The following NETO1 variants were observed in gnomAD, a reference collection of about 807,000 sequenced individuals.
The protein encoded by NETO1 is neuropilin and tolloid like 1.
Under a neutral mutation model 61.3 loss-of-function variants are expected in NETO1, and 26 were observed. The ratio of observed to expected loss-of-function variants is 0.42; its 90% confidence interval spans 0.31 to 0.59. The LOEUF is 0.59. Ranked by LOEUF, NETO1 falls within the 20% of genes least tolerant of loss-of-function variation. The probability of loss-of-function intolerance (pLI) is 0.12; values close to 1 mark genes in which losing one functional copy is unlikely to be tolerated. For synonymous variants in NETO1, 225 were observed against 225.8 expected (o/e 1.00, Z 0.03); for missense variants, 531 against 662.8 (o/e 0.80, Z 2.18).
chr18:72,835,300 T>A, intron 4 of NETO1: 1 of 1,596,794 alleles, frequency 6.3e-7, no homozygotes, highest in Non-Finnish European at 8.6e-7. Flanking sequence ...TAGATCCTGC[T>A]AAGGAGTTTG....
intron 7 of NETO1, among the ~76,000 whole-genome samples, chr18:72,777,336 T>C (rs1342855790): frequency 6.6e-6 from 1 of 150,610 alleles, no homozygotes; most frequent in African/African-American, 2.5e-5. Flanking sequence ...GAGAATAGCT[T>C]GAACCCGGGA....
intron 4 of NETO1, among the ~76,000 whole-genome samples, chr18:72,795,191 G>A (rs188454011): frequency 3.0e-4 from 46 of 152,238 alleles, no homozygotes; most frequent in African/African-American, 1.0e-3. Flanking sequence ...CTTGTTCCTG[G>A]AATTGATTTT....
rs1447080508 is a variant in NETO1 at position 72,747,063 on chromosome 18, T to A, written c.*1116A>T. The A allele has an allele frequency of 6.6e-6, 1 of 151,952 alleles. No homozygotes were observed. The highest frequency in any genetic ancestry group is 2.4e-5 in the African/African-American group (1 of 41,434). The allele number at this position is 151,952 out of a possible 1,614,324, so 9.4% of individuals were successfully genotyped here. The stretch of plus-strand genomic sequence containing the variant: ...TTCCCTATTCTAAAAGAAGAAAATA[T>A]TCCCCTAAACTTTTAGAAGCCAAAT... On this transcript the variant is annotated 3_prime_UTR_variant, in exon 11 of 11. Coordinates refer to ENST00000327305, the MANE Select transcript of NETO1 (RefSeq NM_138966.5).
intron 4 of NETO1, among the ~76,000 whole-genome samples, chr18:72,816,596 C>A (rs999189240): frequency 6.6e-6 from 1 of 152,126 alleles, no homozygotes; most frequent in Non-Finnish European, 1.5e-5. Flanking sequence ...CAATGGAGAA[C>A]CTCTCCAGGC....
chr18:72,853,171 T>C (rs938580585), intron 4 of NETO1: 11 of 152,206 alleles, frequency 7.2e-5, no homozygotes, highest in African/African-American at 2.7e-4. Context: ...TGATTCTCTG[T>C]GATTTTCAAG....
intron 4 of NETO1, among the ~76,000 whole-genome samples, chr18:72,805,476 T>A (rs892589498): frequency 6.6e-6 from 1 of 152,228 alleles, no homozygotes; most frequent in African/African-American, 2.4e-5. Flanking sequence ...ATAATTAATA[T>A]GTACCAGATA....
chr18:72,811,852 G>T (rs1440465643), intron 4 of NETO1, among the ~76,000 whole-genome samples: 1 of 152,146 alleles, frequency 6.6e-6, no homozygotes, highest in East Asian at 1.9e-4. Context: ...TGGATTTGGG[G>T]TTCTGAAACC....
intron 8 of NETO1, among the ~76,000 whole-genome samples, chr18:72,755,693 G>T (rs1336450715): frequency 2.6e-5 from 4 of 152,064 alleles, no homozygotes; most frequent in African/African-American, 7.2e-5. Flanking sequence ...TGGAATGAAT[G>T]AGACGTGTAG....
chr18:72,788,053 G>C (rs555436477), intron 6 of NETO1, among the ~76,000 whole-genome samples: 1 of 152,192 alleles, frequency 6.6e-6, no homozygotes, highest in East Asian at 1.9e-4. Context: ...TAAGAATATT[G>C]CTATAGTTAG....
At chr18:72,826,528 C>CT (rs141431040) in intron 4 of NETO1, among the ~76,000 whole-genome samples, 48,369 of 151,404 alleles carry the variant, frequency 0.32, 8,111 homozygotes, top group Middle Eastern at 0.38. Context: ...TCTTATACCA[C>CT]TTTTTTTTCA....
intron 4 of NETO1, among the ~76,000 whole-genome samples, chr18:72,818,764 TTA>T (rs992546692): frequency 1.2e-4 from 18 of 152,278 alleles, no homozygotes; most frequent in African/African-American, 4.1e-4. Context: ...CATTATAACT[TTA>T]TATAAACATT....
Position 72,747,569 on chromosome 18 carries a change from T to C in NETO1, c.*610A>G, listed in dbSNP as rs1366165135. On this transcript the variant is annotated 3_prime_UTR_variant, in exon 11 of 11. Transcript: ENST00000327305. ...GGGGTATACAGGAAAGACCAAAAAA[T>C]GAATTTTTTTATTGCAATCTAGTAA... The C allele has an allele frequency of 6.6e-6, 1 of 152,004 alleles. No individual in the cohort carries two copies. The highest frequency in any genetic ancestry group is 6.6e-5 in the Admixed American group (1 of 15,244). The allele number at this position is 152,004 out of a possible 1,614,324, so 9.4% of individuals were successfully genotyped here. A position where few individuals can be genotyped will look rare whatever the true frequency, so the allele number is the denominator to read the frequency against.
Position 72,744,025 on chromosome 18 carries a change from T to C in NETO1, c.*4154A>G, listed in dbSNP as rs1474440073. 6.6e-6 allele frequency: 1 copy of C among 152,186 alleles called. No individual in the cohort carries two copies. The allele number at this position is 152,186 out of a possible 1,614,324, so 9.4% of individuals were successfully genotyped here. On this transcript the variant is annotated 3_prime_UTR_variant, in exon 11 of 11. Coordinates refer to ENST00000327305, the MANE Select transcript of NETO1 (RefSeq NM_138966.5). ...TACTGTTTCAGGAATAAGGAGATTC[T>C]GGAAACCAACCCAAGTAAATACACA...
chr18:72,861,320 G>A (rs2074565868), intron 3 of NETO1, among the ~76,000 whole-genome samples: 1 of 152,164 alleles, frequency 6.6e-6, no homozygotes, highest in Admixed American at 6.5e-5. Context: ...AATTTTAGAA[G>A]GTAGTGAAAT....
chr18:72,810,863 A>G (rs1451877836), intron 4 of NETO1, among the ~76,000 whole-genome samples: 2 of 152,186 alleles, frequency 1.3e-5, no homozygotes, highest in Non-Finnish European at 2.9e-5. Flanking sequence ...TGTTAGAAGG[A>G]AAGAATGGGT....
Position 72,750,238 on chromosome 18 carries a change from C to T in NETO1, c.1365G>A (p.Leu455=), listed in dbSNP as rs1373838535. 6 of 1,614,008 alleles carry T rather than the reference C, an allele frequency of 3.7e-6. No individual in the cohort carries two copies. The highest frequency in any genetic ancestry group is 5.1e-6 in the Non-Finnish European group (6 of 1,179,970). Residue 455 remains leucine, a synonymous_variant, in exon 9 of 11, where the codon TTG becomes TTA. Coordinates refer to ENST00000327305, the MANE Select transcript of NETO1 (RefSeq NM_138966.5). ...TTCCTGGCTGTGTGGGCATCTCTGT[C>T]AAGATAGAAGCATCTCTTGTGCTGA... is the stretch of plus-strand genomic sequence containing the variant. ...SNLSTRDASI[L]TEMPTQPGKP... is the part of the protein sequence containing the mutation.
chr18:72,793,798 C>T (rs1377994349), intron 6 of NETO1, among the ~76,000 whole-genome samples: 6 of 152,150 alleles, frequency 3.9e-5, no homozygotes, highest in Non-Finnish European at 5.9e-5. Flanking sequence ...ACAATAAGAG[C>T]GTAAGTGTAG....
At chr18:72,847,341 T>C (rs2074119291) in intron 4 of NETO1, among the ~76,000 whole-genome samples, 1 of 152,154 alleles carries the variant, frequency 6.6e-6, no homozygotes, top group South Asian at 2.1e-4. Flanking sequence ...GAAAATGCCA[T>C]GAGGACACAT....
chr18:72,855,563 G>A lies in NETO1; in HGVS notation c.469+3263C>T, dbSNP rs115806975. On this transcript the variant is annotated intron_variant, in intron 4 of 10. Transcript: ENST00000327305. ...GCCTCCGTATCCTCCACATCCGTGC[G>A]GGACCTCCAGTTGGGCTGTTCCCAC... 5.1e-3 allele frequency among the ~76,000 whole-genome samples: 770 copies of A among 152,290 alleles called. 10 individuals carry two copies. The highest frequency in any genetic ancestry group is 0.018 in the African/African-American group (743 of 41,546).
Sources: gnomAD v4.1 joint callset for allele counts (sites outside exome capture counted in the v4.1 genomes callset) on GRCh38, gnomAD v4.1.1 for gene constraint, MANE v1.5 for transcripts, NCBI Gene and HGNC (gene_info 2026-07-23, HGNC 2026-07-21) for gene names.